The following PGAP6 variants were observed in gnomAD, a reference collection of about 807,000 sequenced individuals.
PGAP6 encodes post-GPI attachment to proteins 6.
Under a neutral mutation model 68.4 loss-of-function variants are expected in PGAP6, and 62 were observed. The observed-to-expected ratio is 0.91, with a 90% CI of 0.74 to 1.12. The LOEUF (loss-of-function observed/expected upper bound fraction) is 1.12. PGAP6 is among the 50% of genes most tolerant of loss of function. PGAP6 has a pLI of 0.00. For synonymous variants in PGAP6, 575 were observed against 474.0 expected, an observed-to-expected ratio of 1.21 and a Z score of -2.77; for missense variants, 1,188 against 1,068.5, an observed-to-expected ratio of 1.11 and a Z score of -1.56.
At chr16:381,657 G>A (rs2054439372) in intron 1 of PGAP6, 44 bp downstream of exon 1, 1 of 1,165,162 alleles carries the variant, frequency 8.6e-7, no homozygotes, top group Non-Finnish European at 1.1e-6. Context: ...CCCGCCCGCA[G>A]CCCCGGCCCC....
intron 3 of PGAP6, 24 bp downstream of exon 3, chr16:377,354 A>G: frequency 6.4e-6 from 10 of 1,567,742 alleles, no homozygotes; most frequent in Non-Finnish European, 8.7e-6. Context: ...CTCTGCCTCC[A>G]TCCCGGAGGG....
Position 381,955 on chromosome 16 carries a change from C to T in PGAP6, c.-134G>A. On this transcript the variant is annotated 5_prime_UTR_variant, in exon 1 of 13. Transcript: ENST00000431232. ...CCCGGCGCCCATGGCCCGGCCGGTC[C>T]CCGCCGCCGTCGCCCCGGGCACTTC... The T allele has an allele frequency of 1.0e-6, 1 of 976,454 alleles. No individual in the cohort carries two copies. The highest frequency in any genetic ancestry group is 1.2e-6 in the Non-Finnish European group (1 of 823,186). The allele number at this position is 976,454 out of a possible 1,614,324, so 60.5% of individuals were successfully genotyped here.
Position 372,708 on chromosome 16 carries a change from G to C in PGAP6, c.1922C>G (p.Thr641Arg). Residue 641 changes from threonine (T) to arginine (R), a missense_variant, in exon 12 of 13, where the codon ACA becomes AGA. Coordinates refer to ENST00000431232, the MANE Select transcript of PGAP6 (RefSeq NM_021259.3). ...VLKYVLFLLG[T>R]LVIAMSLQLD... is the part of the protein sequence containing the mutation. ...CTGCAAGGACATGGCGATGACCAGT[G>C]TACCCAGAAGAAACAGCACCTGCGC... is the stretch of plus-strand genomic sequence containing the variant. The C allele has an allele frequency of 6.2e-7, 1 of 1,610,920 alleles. No individual in the cohort carries two copies. Among genetic ancestry groups the C allele is most frequent in the South Asian group, 1.1e-5 (1 of 91,036 alleles).
rs1479143097 is a variant in PGAP6 at position 372,745 on chromosome 16, A to G, written c.1903-18T>C. 7 of 1,583,012 alleles carry G rather than the reference A, an allele frequency of 4.4e-6. No homozygotes were observed. The highest frequency in any genetic ancestry group is 6.1e-6 in the Non-Finnish European group (7 of 1,156,012). On this transcript the variant is annotated intron_variant, in intron 11 of 12. Transcript: ENST00000431232. ...AACAGCACCTGCGCAAGACACAGGGATGACTGCAGGGACGTCTCTGAGGGC... is the reference window on the plus strand; with the variant it reads ...AACAGCACCTGCGCAAGACACAGGGGTGACTGCAGGGACGTCTCTGAGGGC...
At chr16:372,451 A>G (rs2054343567) in intron 12 of PGAP6, 160 bp downstream of exon 12, 2 of 966,280 alleles carry the variant, frequency 2.1e-6, no homozygotes, top group Non-Finnish European at 3.2e-6. Flanking sequence ...CCCAGGCCTC[A>G]GGGACACAGC....
chr16:383,030 C>T (rs1333480552), upstream of PGAP6, among the ~76,000 whole-genome samples: 1 of 152,154 alleles, frequency 6.6e-6, no homozygotes, highest in Non-Finnish European at 1.5e-5. Flanking sequence ...GCCAGAGAAT[C>T]GCCTGAACCC....
In PGAP6 at chr16:376,867, G is replaced by A. The variant is rs375169766; in HGVS notation, c.636-55C>T. 6.2e-4 allele frequency: 988 copies of A among 1,588,948 alleles called. 12 individuals carry two copies. In the South Asian group the frequency reaches 0.01, roughly 17 times the overall value. On this transcript the variant is annotated intron_variant, in intron 4 of 12. Coordinates refer to ENST00000431232, the MANE Select transcript of PGAP6 (RefSeq NM_021259.3). ...CTCTGCCATTCCTCAGCCCAGGGAC[G>A]CAGCGTGCCCAGGCTCTGCTGTTCC...
At chr16:386,728 A>AAAC, upstream of PGAP6, 1 of 90,356 alleles carries the variant, frequency 1.1e-5, no homozygotes, top group South Asian at 1.1e-4. Context: ...AAAAAAACCA[A>AAAC]AAAAAAAAAA....
chr16:372,272 G>T lies in PGAP6; in HGVS notation c.2031C>A (p.Cys677Ter), dbSNP rs546817505. 8 of 1,608,752 alleles carry T rather than the reference G, an allele frequency of 5.0e-6. No individual in the cohort carries two copies. The highest frequency in any genetic ancestry group is 1.3e-5 in the African/African-American group (1 of 75,004). ...VIMASMWAYR[C>*]GHRRQCYPTS... ...TGGGGTAGCACTGGCGCCGGTGCCC[G>T]CAGCGGTAAGCCTGGAGAAAACAGC... Residue 677 changes from cysteine (C) to a stop codon, truncating the protein, a stop_gained, in exon 13 of 13, where the codon TGC (cysteine) becomes TGA (stop). Coordinates refer to ENST00000431232, the MANE Select transcript of PGAP6 (RefSeq NM_021259.3). LOFTEE classifies it low-confidence loss of function (END_TRUNC).
In PGAP6 at chr16:377,652, C is replaced by G. The variant is rs374633293; in HGVS notation, c.299+19G>C. On this transcript the variant is annotated intron_variant, in intron 2 of 12. Coordinates refer to ENST00000431232, the MANE Select transcript of PGAP6 (RefSeq NM_021259.3). ...GGCCAGGCGCGGGAGGGTGGGCAGGCGGGCGGGCAGCCACCTACACGGTGA... is the reference window on the plus strand; with the variant it reads ...GGCCAGGCGCGGGAGGGTGGGCAGGGGGGCGGGCAGCCACCTACACGGTGA... The G allele has an allele frequency of 6.4e-7, 1 of 1,571,146 alleles. No individual in the cohort carries two copies. The highest frequency in any genetic ancestry group is 8.6e-7 in the Non-Finnish European group (1 of 1,158,688).
rs1200109370 is a variant in PGAP6 at position 372,102 on chromosome 16, G to T, written c.2201C>A (p.Ala734Asp). The T allele has an allele frequency of 6.2e-7, 1 of 1,612,514 alleles. No homozygotes were observed. Among genetic ancestry groups the T allele is most frequent in the African/African-American group, 1.3e-5 (1 of 74,896 alleles). ...CTGGTCAGGTGGCGGCAGCAGCAAG[G>T]CTGCGCTCCCGGCCAGCAGGATGTG... is the stretch of plus-strand genomic sequence containing the variant. ...IWHILLAGSA[A>D]LLLPPPDQPA... The change falls in exon 13 of 13, where the codon GCC becomes GAC. Residue 734 changes from alanine (A) to aspartate (D), a missense_variant. Physicochemically the swap from Ala to Asp is moderately radical, Grantham distance 126 (BLOSUM62 -2). Transcript: ENST00000431232.
intron 6 of PGAP6, 122 bp from the exon 7 acceptor site, chr16:375,557 G>C: frequency 3.7e-6 from 3 of 801,006 alleles, no homozygotes; most frequent in South Asian, 3.2e-5. Flanking sequence ...TTCTGAGATG[G>C]AGTCTTGCTC....
At chr16:378,232 A>G (rs1485388931) in intron 1 of PGAP6, among the ~76,000 whole-genome samples, 1 of 145,140 alleles carries the variant, frequency 6.9e-6, no homozygotes, top group African/African-American at 2.7e-5. Context: ...CCTGACTGCC[A>G]TCGCCACCCG....
chr16:372,726 A>C lies in PGAP6; in HGVS notation c.1904T>G (p.Val635Gly). The change falls in exon 12 of 13, where the codon GTG (valine) becomes GGG (glycine). Residue 635 changes from valine (V) to glycine (G), a missense_variant and splice_region_variant. Transcript: ENST00000431232. Reference protein sequence around the residue: ...MARLKTVLKYVLFLLGTLVIA... With the variant: ...MARLKTVLKYGLFLLGTLVIA... The stretch of plus-strand genomic sequence containing the variant: ...GACCAGTGTACCCAGAAGAAACAGC[A>C]CCTGCGCAAGACACAGGGATGACTG... 1 of 1,607,308 alleles carries C rather than the reference A, an allele frequency of 6.2e-7. No homozygotes were observed. Among genetic ancestry groups the C allele is most frequent in the Non-Finnish European group, 8.5e-7 (1 of 1,176,186 alleles).
chr16:376,692 G>A lies in PGAP6; in HGVS notation c.756C>T (p.Phe252=). ...TVGPVTLPSN[F]QKVLTCTGAP... ...CACCGGTGCAGGTGAGCACCTTCTG[G>A]AAGTTGCTAGGCAGGGTGACCGGGC... is the stretch of plus-strand genomic sequence containing the variant. The change falls in exon 5 of 13, where the codon TTC becomes TTT. Residue 252 remains phenylalanine, a synonymous_variant. Coordinates refer to ENST00000431232, the MANE Select transcript of PGAP6 (RefSeq NM_021259.3). 6.2e-7 allele frequency: 1 copy of A among 1,611,616 alleles called. No individual in the cohort carries two copies. Among genetic ancestry groups the A allele is most frequent in the Non-Finnish European group, 8.5e-7 (1 of 1,179,724 alleles).
At chr16:377,648 C>T (rs752037435) in intron 2 of PGAP6, 23 bp downstream of exon 2, 6 of 1,572,400 alleles carry the variant, frequency 3.8e-6, no homozygotes, top group Non-Finnish European at 4.3e-6. Context: ...GGAGGGTGGG[C>T]AGGCGGGCGG....
chr16:383,092 G>A (rs1029796877), upstream of PGAP6, among the ~76,000 whole-genome samples: 3 of 151,936 alleles, frequency 2.0e-5, no homozygotes, highest in African/African-American at 7.3e-5. Flanking sequence ...CTCCAGCCTG[G>A]GCGACAGAGC....
At chr16:378,613 G>A (rs1254052785) in intron 1 of PGAP6, among the ~76,000 whole-genome samples, 5 of 152,094 alleles carry the variant, frequency 3.3e-5, no homozygotes, top group African/African-American at 9.7e-5. Context: ...AGGAGCCCCC[G>A]CCCCTCATCA....
upstream of PGAP6, among the ~76,000 whole-genome samples, chr16:385,062 A>G (rs1048667366): frequency 6.6e-5 from 10 of 150,492 alleles, no homozygotes; most frequent in African/African-American, 2.2e-4. Flanking sequence ...GCTACTCAGG[A>G]GGCTGAGGCA....
Sources: allele counts gnomAD v4.1 joint callset (sites outside exome capture counted in the v4.1 genomes callset), GRCh38; gene constraint gnomAD v4.1.1; transcripts MANE v1.5; gene names NCBI Gene and HGNC (gene_info 2026-07-23, HGNC 2026-07-21).